USP25: variants seen among roughly 807,000 people sequenced by gnomAD.
USP25 encodes the protein ubiquitin specific peptidase 25.
A neutral mutation model predicts 158.5 loss-of-function variants in USP25; 85 were observed. The ratio of observed to expected loss-of-function variants is 0.54; its 90% confidence interval spans 0.45 to 0.64. The LOEUF (loss-of-function observed/expected upper bound fraction) is 0.64, where lower values mean the gene tolerates loss of function less well. Ranked by LOEUF, USP25 falls within the 30% of genes least tolerant of loss-of-function variation. The probability of loss-of-function intolerance (pLI) is 0.00; values close to 1 mark genes in which losing one functional copy is unlikely to be tolerated. For missense variants in USP25, 1,242 were observed against 1,327.3 expected (o/e 0.94, Z 1.00); for synonymous variants, 464 against 460.4 (o/e 1.01, Z -0.10).
intron 6 of USP25, 48 bp downstream of exon 6, chr21:15,799,891 C>A: frequency 1.6e-6 from 2 of 1,235,588 alleles, no homozygotes; most frequent in South Asian, 1.9e-5. Flanking sequence ...TCTATATGTT[C>A]TCTTATATGT....
chr21:15,823,980 T>G lies in USP25; in HGVS notation c.1081-59T>G, dbSNP rs1025321995. The stretch of plus-strand genomic sequence containing the variant: ...AGTGCCCACATCCTGTGCCTAAGAT[T>G]GCAGTGAAGAAAACAAAGGTGGTAT... On this transcript the variant is annotated intron_variant, in intron 10 of 25. Coordinates refer to ENST00000400183, the MANE Select transcript of USP25 (RefSeq NM_001283041.3). The G allele has an allele frequency of 5.2e-6, 8 of 1,526,942 alleles. No homozygotes were observed. In the African/African-American group the frequency reaches 1.1e-4, roughly 21 times the overall value. 94.6% of individuals were successfully genotyped at this position (1,526,942 alleles called of 1,614,324 possible).
chr21:15,871,729 AATAC>A (rs1484009420), intron 23 of USP25, among the ~76,000 whole-genome samples: 11 of 152,216 alleles, frequency 7.2e-5, no homozygotes, highest in Non-Finnish European at 1.5e-5. Flanking sequence ...TCAGTTTTCA[AATAC>A]ATACTTATTC....
chr21:15,857,940 T>A, intron 20 of USP25, among the ~76,000 whole-genome samples: 1 of 152,080 alleles, frequency 6.6e-6, no homozygotes, highest in East Asian at 1.9e-4. Flanking sequence ...TTGACACATA[T>A]ACTAAATCAT....
chr21:15,731,447 G>C (rs2030890996), intron 1 of USP25, among the ~76,000 whole-genome samples: 1 of 152,150 alleles, frequency 6.6e-6, no homozygotes, highest in African/African-American at 2.4e-5. Flanking sequence ...GCCCCACCCT[G>C]TTGTAGATTT....
intron 20 of USP25, among the ~76,000 whole-genome samples, chr21:15,854,312 A>G (rs752826623): frequency 1.3e-5 from 2 of 151,880 alleles, no homozygotes; most frequent in South Asian, 2.1e-4. Context: ...CACCCAGGTA[A>G]TTTTTGTATT....
chr21:15,833,618 A>G, intron 17 of USP25, 70 bp downstream of exon 17: 1 of 1,389,138 alleles, frequency 7.2e-7, no homozygotes, highest in Non-Finnish European at 9.8e-7. Flanking sequence ...GCTCATTATT[A>G]AAAAGTTTTA....
At chr21:15,856,673 G>T (rs942209346) in intron 20 of USP25, among the ~76,000 whole-genome samples, 20 of 152,060 alleles carry the variant, frequency 1.3e-4, no homozygotes, top group African/African-American at 4.6e-4. Flanking sequence ...GGGTTTCACC[G>T]TGTTAGCCAG....
rs1568864304 is a variant in USP25 at position 15,831,641 on chromosome 21, T to C, written c.1993+12T>C. 6.2e-7 allele frequency: 1 copy of C among 1,602,630 alleles called. No homozygotes were observed. The highest frequency in any genetic ancestry group is 1.1e-5 in the South Asian group (1 of 90,756). On this transcript the variant is annotated intron_variant, in intron 16 of 25. Coordinates refer to ENST00000400183, the MANE Select transcript of USP25 (RefSeq NM_001283041.3). The stretch of plus-strand genomic sequence containing the variant: ...GTTCCTAATACAAGGTAAGAATATA[T>C]AGGGTGGTGTGTATTTTTAAATAGT...
intron 1 of USP25, among the ~76,000 whole-genome samples, chr21:15,757,682 A>G (rs2033467295): frequency 6.6e-6 from 1 of 152,192 alleles, no homozygotes; most frequent in African/African-American, 2.4e-5. Flanking sequence ...CTTCTTAAGC[A>G]GGTTGCAGAA....
chr21:15,817,373 A>ATTTC (rs2036995367), intron 9 of USP25, among the ~76,000 whole-genome samples: 7 of 152,162 alleles, frequency 4.6e-5, no homozygotes, highest in African/African-American at 1.4e-4. Context: ...ACCTTCATCC[A>ATTTC]TGCTACCTTT....
intron 20 of USP25, among the ~76,000 whole-genome samples, chr21:15,853,319 G>A (rs566522531): frequency 6.6e-6 from 1 of 151,932 alleles, no homozygotes; most frequent in South Asian, 2.1e-4. Context: ...GTACACACAT[G>A]TACACGCACA....
chr21:15,842,575 C>T (rs769970794), intron 18 of USP25, 35 bp downstream of exon 18: 11 of 1,607,512 alleles, frequency 6.8e-6, no homozygotes, highest in Non-Finnish European at 9.3e-6. Context: ...TGAACATAGC[C>T]ATGGTCACGA....
intron 1 of USP25, among the ~76,000 whole-genome samples, chr21:15,756,081 T>TAGAAGAATAGTC (rs1316838328): frequency 3.3e-5 from 5 of 152,136 alleles, no homozygotes; most frequent in African/African-American, 9.7e-5. Context: ...AAATAGCCCT[T>TAGAAGAATAGTC]AGAAGAATAG....
At chr21:15,827,285 G>A in intron 14 of USP25, 82 bp downstream of exon 14, 1 of 1,138,264 alleles carries the variant, frequency 8.8e-7, no homozygotes, top group Non-Finnish European at 1.3e-6. Flanking sequence ...AATCACGTCT[G>A]GATTTTATAT....
chr21:15,832,293 C>A (rs906126560), intron 16 of USP25, among the ~76,000 whole-genome samples: 3 of 152,176 alleles, frequency 2.0e-5, no homozygotes, highest in Non-Finnish European at 2.9e-5. Context: ...AGCCAGAGAT[C>A]ATGTCATACT....
intron 5 of USP25, among the ~76,000 whole-genome samples, chr21:15,792,997 A>G (rs983432890): frequency 1.3e-5 from 2 of 151,648 alleles, no homozygotes; most frequent in Non-Finnish European, 3.0e-5. Context: ...AGATCATCTT[A>G]ATAGGCTATC....
At chr21:15,750,214 G>GTT (rs35867462) in intron 1 of USP25, among the ~76,000 whole-genome samples, 3 of 65,634 alleles carry the variant, frequency 4.6e-5, no homozygotes, top group Non-Finnish European at 6.1e-5. Flanking sequence ...GTGTGTGTAT[G>GTT]TTTTTTTTTT....
intron 21 of USP25, among the ~76,000 whole-genome samples, 163 bp from the exon 22 acceptor site, chr21:15,866,103 C>G (rs2039643716): frequency 6.6e-6 from 1 of 151,888 alleles, no homozygotes; most frequent in South Asian, 2.1e-4. Flanking sequence ...CAACATTGGT[C>G]CCAAAAATGT....
intron 1 of USP25, among the ~76,000 whole-genome samples, chr21:15,731,714 A>C (rs1175544063): frequency 6.6e-6 from 1 of 152,238 alleles, no homozygotes; most frequent in Non-Finnish European, 1.5e-5. Context: ...GATATTGCAC[A>C]CTGCACTTTA....
Sources: gnomAD v4.1 joint callset for allele counts (sites outside exome capture counted in the v4.1 genomes callset) on GRCh38, gnomAD v4.1.1 for gene constraint, MANE v1.5 for transcripts, NCBI Gene and HGNC (gene_info 2026-07-23, HGNC 2026-07-21) for gene names.